Variants in POC1A observed in about 807,000 individuals in gnomAD.
POC1A encodes the protein POC1 centriolar protein homolog A.
In POC1A, 34 loss-of-function variants were observed where a neutral mutation model predicts 47.8. That is an observed-to-expected ratio of 0.71 (90% CI 0.54 to 0.95). The LOEUF is 0.95. Among genes scored for constraint, POC1A ranks in the 40% least tolerant of loss-of-function variants. The pLI, the probability that POC1A is intolerant of heterozygous loss-of-function variation, is 0.00. For missense variants in POC1A, 466 were observed against 528.3 expected (o/e 0.88, Z 1.16); for synonymous variants, 177 against 207.6 (o/e 0.85, Z 1.27).
intron 9 of POC1A, among the ~76,000 whole-genome samples, chr3:52,097,850 G>A (rs765273753): frequency 1.3e-5 from 2 of 152,172 alleles, no homozygotes; most frequent in East Asian, 1.9e-4. Flanking sequence ...CTAAGACTTC[G>A]GCCATCAGGG....
At chr3:52,150,113 T>A in intron 2 of POC1A, 126 bp from the exon 3 acceptor site, 1 of 725,852 alleles carries the variant, frequency 1.4e-6, no homozygotes, top group Non-Finnish European at 2.3e-6. Flanking sequence ...AAACAGACCG[T>A]GAGAAGTCTC....
chr3:52,086,775 AC>A (rs1702468827), intron 10 of POC1A, among the ~76,000 whole-genome samples: 1 of 152,250 alleles, frequency 6.6e-6, no homozygotes, highest in Non-Finnish European at 1.5e-5. Flanking sequence ...CAGGGTACAA[AC>A]GATGCCCCTC....
chr3:52,144,742 G>A (rs912057001), intron 6 of POC1A, among the ~76,000 whole-genome samples: 3 of 152,192 alleles, frequency 2.0e-5, no homozygotes, highest in Non-Finnish European at 4.4e-5. Flanking sequence ...CAGCTGCAGA[G>A]CCCACTCTCC....
chr3:52,137,715 C>T (rs1476431746), intron 7 of POC1A, among the ~76,000 whole-genome samples: 3 of 152,126 alleles, frequency 2.0e-5, no homozygotes, highest in Admixed American at 1.3e-4. Flanking sequence ...AATTCTCAAA[C>T]GACAAACATG....
intron 4 of POC1A, among the ~76,000 whole-genome samples, chr3:52,148,136 A>C (rs1489835549): frequency 6.6e-6 from 1 of 152,240 alleles, no homozygotes; most frequent in Non-Finnish European, 1.5e-5. Context: ...TTACTCTGGG[A>C]CCAGGTCCTC....
rs538990613 is a variant in POC1A, at chr3:52,084,969, G to C, written c.1126-8984C>G. The stretch of plus-strand genomic sequence containing the variant: ...TGGCAAGGGGAGCTGCAACTGTCCT[G>C]GGTTGGCAGGTTTGCAGGGAGGCCA... On this transcript the variant is annotated intron_variant, in intron 10 of 10. Coordinates refer to ENST00000296484, the MANE Select transcript of POC1A (RefSeq NM_015426.5). This position sits in a 1 kb window ranked among gnomAD's most constrained non-coding sequence, Gnocchi z 4.3. Among the ~76,000 whole-genome samples, 25 of 152,366 alleles carry C rather than the reference G, an allele frequency of 1.6e-4. No homozygotes were observed. In the South Asian group the frequency reaches 3.7e-3, roughly 23 times the overall value.
intron 10 of POC1A, among the ~76,000 whole-genome samples, chr3:52,085,213 G>A (rs1171079980): frequency 6.6e-6 from 1 of 152,102 alleles, no homozygotes; most frequent in African/African-American, 2.4e-5. Flanking sequence ...ACTCAGGCAG[G>A]CACCCCATCC....
At position 52,125,460 on chromosome 3, in the gene POC1A, G is replaced by A. The variant is rs13081228; in HGVS notation, c.814-279C>T. ...TGAGTGAATGGGACAGTCTGCACTG[G>A]CAGCCCTCCAGGGCTGGCCTCATTG... On this transcript the variant is annotated intron_variant, in intron 7 of 10. Transcript: ENST00000296484. 0.25 allele frequency among the ~76,000 whole-genome samples: 37,636 copies of A among 152,002 alleles called. 5,699 individuals carry two copies. Among genetic ancestry groups the A allele is most frequent in the Non-Finnish European group, 0.33 (22,706 of 67,958 alleles).
rs539841857 is a variant in POC1A, at chr3:52,120,321, G to T, written c.981+2058C>A. ...AAAACCTAGCTCTCCTCTTGGCCTG[G>T]GAGTCCTCAGATTAGAGAAGTCCTG... On this transcript the variant is annotated intron_variant, in intron 9 of 10. Coordinates refer to ENST00000296484, the MANE Select transcript of POC1A (RefSeq NM_015426.5). 1.9e-3 allele frequency among the ~76,000 whole-genome samples: 282 copies of T among 152,240 alleles called. 1 individual carries two copies. Among genetic ancestry groups the T allele is most frequent in the African/African-American group, 6.5e-3 (270 of 41,532 alleles).
intron 6 of POC1A, among the ~76,000 whole-genome samples, chr3:52,143,223 G>A (rs148067720): frequency 9.1e-4 from 139 of 152,042 alleles, no homozygotes; most frequent in African/African-American, 2.9e-3. Context: ...TCCCAGCAGG[G>A]CCTGTCAGCC....
chr3:52,118,476 T>C (rs563349964), intron 9 of POC1A, among the ~76,000 whole-genome samples: 4 of 152,098 alleles, frequency 2.6e-5, no homozygotes, highest in African/African-American at 4.8e-5. Context: ...CTATTCAGAG[T>C]GGGCTCAAGG....
chr3:52,136,358 C>T (rs1303771325), intron 7 of POC1A, among the ~76,000 whole-genome samples: 1 of 152,136 alleles, frequency 6.6e-6, no homozygotes, highest in East Asian at 1.9e-4. Context: ...CTCTCTAAGA[C>T]TCAGTCTACC....
intron 9 of POC1A, among the ~76,000 whole-genome samples, chr3:52,121,882 C>A (rs1311819184): frequency 1.3e-5 from 2 of 152,128 alleles, no homozygotes; most frequent in Non-Finnish European, 2.9e-5. Flanking sequence ...TATTCTTTTA[C>A]GAACAGAGGT....
At chr3:52,096,852 G>A (rs868117066) in intron 9 of POC1A, 140 bp from the exon 10 acceptor site, 2 of 727,368 alleles carry the variant, frequency 2.7e-6, no homozygotes, top group Non-Finnish European at 4.3e-6. Context: ...GTAAGAAACA[G>A]CAGCGTGGCG....
chr3:52,118,601 G>A (rs953382911), intron 9 of POC1A, among the ~76,000 whole-genome samples: 3 of 152,228 alleles, frequency 2.0e-5, no homozygotes, highest in South Asian at 4.1e-4. Context: ...TGCCCTTGCC[G>A]TGGTCTGCTA....
intron 10 of POC1A, among the ~76,000 whole-genome samples, chr3:52,077,501 G>C (rs770485077): frequency 2.0e-5 from 3 of 152,204 alleles, no homozygotes; most frequent in Non-Finnish European, 4.4e-5. Flanking sequence ...TCTGTCACTG[G>C]ACAGAGCCTG....
chr3:52,137,920 C>T (rs1352499746), intron 7 of POC1A, among the ~76,000 whole-genome samples: 2 of 152,196 alleles, frequency 1.3e-5, no homozygotes, highest in Non-Finnish European at 2.9e-5. Context: ...TCCATTCAGG[C>T]CCCTAAGGGG....
chr3:52,131,697 G>C (rs967177592), intron 7 of POC1A, among the ~76,000 whole-genome samples: 3 of 152,140 alleles, frequency 2.0e-5, no homozygotes, highest in Non-Finnish European at 2.9e-5. Context: ...AGTCTGGGTC[G>C]GGGAGTCTCC....
intron 7 of POC1A, among the ~76,000 whole-genome samples, chr3:52,127,729 T>A (rs1329383580): frequency 6.7e-6 from 1 of 149,810 alleles, no homozygotes; most frequent in African/African-American, 2.5e-5. Context: ...AAAGTCTGGC[T>A]CTATCGCCCA....
Sources: gnomAD v4.1 joint callset for allele counts (sites outside exome capture counted in the v4.1 genomes callset) on GRCh38, gnomAD v4.1.1 for gene constraint, Gnocchi (gnomAD v3.1) non-coding constraint, MANE v1.5 for transcripts, NCBI Gene and HGNC (gene_info 2026-07-23, HGNC 2026-07-21) for gene names.